Variants in NELL1 observed in about 807,000 individuals in gnomAD.
NELL1 encodes the protein protein kinase C-binding protein NELL1.
NELL1 carries 76 observed loss-of-function variants against 107.4 expected under a neutral mutation model. The observed-to-expected ratio is 0.71, with a 90% CI of 0.59 to 0.86. The LOEUF (loss-of-function observed/expected upper bound fraction) is 0.86. Among genes scored for constraint, NELL1 ranks in the 40% least tolerant of loss-of-function variants. The probability of loss-of-function intolerance (pLI) is 0.00; values close to 1 mark genes in which losing one functional copy is unlikely to be tolerated. For missense variants in NELL1, 1,024 were observed against 1,005.5 expected, an observed-to-expected ratio of 1.02 and a Z score of -0.25; for synonymous variants, 353 against 341.2, an observed-to-expected ratio of 1.03 and a Z score of -0.38.
At chr11:20,979,224 C>A (rs1851700454) in intron 12 of NELL1, among the ~76,000 whole-genome samples, 1 of 152,132 alleles carries the variant, frequency 6.6e-6, no homozygotes, top group Non-Finnish European at 1.5e-5. Flanking sequence ...AGGAGCTGAA[C>A]ATAATAAATC....
chr11:20,953,213 A>G (rs11025831), intron 11 of NELL1, among the ~76,000 whole-genome samples: 8,169 of 152,232 alleles, frequency 0.054, 682 homozygotes, highest in East Asian at 0.27. Context: ...TGACGTTCTA[A>G]GATTTTAGAA....
chr11:21,271,790 A>G (rs374334456), intron 14 of NELL1, among the ~76,000 whole-genome samples: 17 of 152,344 alleles, frequency 1.1e-4, no homozygotes, highest in East Asian at 7.7e-4. Context: ...GGCGGTGTAT[A>G]TTATCCCAGG....
intron 3 of NELL1, among the ~76,000 whole-genome samples, chr11:20,845,917 GAATGAATT>G (rs1848694886): frequency 6.6e-6 from 1 of 152,102 alleles, no homozygotes; most frequent in Non-Finnish European, 1.5e-5. Flanking sequence ...AAGACATATT[GAATGAATT>G]AATGAATGGC....
rs75416831 is a variant in NELL1 at position 21,059,581 on chromosome 11, T to C, written c.1301-54008T>C. Among the ~76,000 whole-genome samples, 1,612 of 152,264 alleles carry C rather than the reference T, an allele frequency of 0.011. 66 individuals are homozygous for C. The South Asian group carries it at 0.13, about 12-fold the overall frequency. ...CATAGAAAAATTGGTATTTTACCAA[T>C]TTGGAGAAATTAAGAGCTTTTTACT... On this transcript the variant is annotated intron_variant, in intron 12 of 19. Transcript: ENST00000357134.
Position 21,446,962 on chromosome 11 carries a change from G to A in NELL1, c.1645+76014G>A, listed in dbSNP as rs140960515. Among the ~76,000 whole-genome samples the A allele has an allele frequency of 1.6e-3, 240 of 152,270 alleles. 2 individuals are homozygous for A. Among genetic ancestry groups the A allele is most frequent in the South Asian group, 0.015 (72 of 4,824 alleles). ...TCTACTTGTTGCTCTATTCTACTGC[G>A]TTTAAGCTGACCCTGAAACCACAAG... On this transcript the variant is annotated intron_variant, in intron 15 of 19. Transcript: ENST00000357134.
intron 14 of NELL1, among the ~76,000 whole-genome samples, chr11:21,250,144 TA>T (rs1335450616): frequency 2.0e-5 from 3 of 152,210 alleles, no homozygotes; most frequent in African/African-American, 7.2e-5. Context: ...AAAAGTGTCA[TA>T]AGGGTTCATT....
At chr11:21,495,926 G>C (rs1427763532) in intron 15 of NELL1, among the ~76,000 whole-genome samples, 1 of 151,874 alleles carries the variant, frequency 6.6e-6, no homozygotes, top group Non-Finnish European at 1.5e-5. Context: ...TCATATATGA[G>C]CTGCTCTGTG....
At chr11:20,709,122 T>A (rs950091420) in intron 2 of NELL1, among the ~76,000 whole-genome samples, 1 of 152,068 alleles carries the variant, frequency 6.6e-6, no homozygotes, top group Non-Finnish European at 1.5e-5. Flanking sequence ...TGGGGACCCC[T>A]TGTCTCGAAG....
chr11:20,964,677 T>C (rs2134220388), intron 12 of NELL1, among the ~76,000 whole-genome samples: 1 of 152,320 alleles, frequency 6.6e-6, no homozygotes, highest in South Asian at 2.1e-4. Flanking sequence ...GTTCCAATAC[T>C]GTGCTAGTGT....
At chr11:21,049,694 T>C (rs1853444621) in intron 12 of NELL1, among the ~76,000 whole-genome samples, 1 of 152,038 alleles carries the variant, frequency 6.6e-6, no homozygotes. Flanking sequence ...TTTTTTTTTT[T>C]TGAGATGAAG....
At chr11:20,714,768 C>T (rs1237796692) in intron 2 of NELL1, among the ~76,000 whole-genome samples, 1 of 151,918 alleles carries the variant, frequency 6.6e-6, no homozygotes, top group East Asian at 1.9e-4. Flanking sequence ...AAATTAAATA[C>T]CTAGCAATTT....
At chr11:21,514,763 G>T (rs1419389794) in intron 15 of NELL1, among the ~76,000 whole-genome samples, 1 of 147,814 alleles carries the variant, frequency 6.8e-6, no homozygotes, top group East Asian at 1.9e-4. Flanking sequence ...TGTCACAGGG[G>T]TTTGGACAGT....
intron 14 of NELL1, among the ~76,000 whole-genome samples, chr11:21,338,457 G>A (rs1049015186): frequency 1.3e-5 from 2 of 152,160 alleles, no homozygotes; most frequent in Admixed American, 6.5e-5. Flanking sequence ...AGCCTAAAAT[G>A]TGTGAGATTT....
At chr11:21,013,755 T>A (rs1330094903) in intron 12 of NELL1, among the ~76,000 whole-genome samples, 6 of 152,168 alleles carry the variant, frequency 3.9e-5, no homozygotes, top group Non-Finnish European at 5.9e-5. Flanking sequence ...AACTAAAGTC[T>A]ATACCTTTAT....
At chr11:21,446,608 A>C (rs2133852620) in intron 15 of NELL1, among the ~76,000 whole-genome samples, 1 of 152,352 alleles carries the variant, frequency 6.6e-6, no homozygotes, top group South Asian at 2.1e-4. Flanking sequence ...AGACTCACAA[A>C]GGAACCACTT....
At chr11:20,723,424 T>G (rs1272662970) in intron 2 of NELL1, among the ~76,000 whole-genome samples, 1 of 152,158 alleles carries the variant, frequency 6.6e-6, no homozygotes, top group Non-Finnish European at 1.5e-5. Context: ...GCCACAGGCC[T>G]CCTCCAAGTC....
chr11:20,782,789 C>T (rs369585570), intron 2 of NELL1, among the ~76,000 whole-genome samples: 3 of 152,306 alleles, frequency 2.0e-5, no homozygotes, highest in African/African-American at 7.2e-5. Context: ...TCTAACTTTG[C>T]TCCCTTAGTG....
intron 14 of NELL1, among the ~76,000 whole-genome samples, chr11:21,268,159 G>C (rs1848671647): frequency 6.6e-6 from 1 of 152,090 alleles, no homozygotes; most frequent in Non-Finnish European, 1.5e-5. Flanking sequence ...CCAGGACCAG[G>C]GTAGGGAAAC....
chr11:21,254,441 A>G (rs1305242622), intron 14 of NELL1, among the ~76,000 whole-genome samples: 3 of 152,130 alleles, frequency 2.0e-5, no homozygotes, highest in Non-Finnish European at 2.9e-5. Flanking sequence ...ATTAAGTATC[A>G]TGAGAAAGGT....
Sources: allele counts gnomAD v4.1 joint callset (sites outside exome capture counted in the v4.1 genomes callset), GRCh38; gene constraint gnomAD v4.1.1; transcripts MANE v1.5; gene names NCBI Gene and HGNC (gene_info 2026-07-23, HGNC 2026-07-21).